The following FILIP1L variants were observed in gnomAD, a reference collection of about 807,000 sequenced individuals.
FILIP1L encodes filamin A-interacting protein 1-like.
In FILIP1L, 55 loss-of-function variants were observed where a neutral mutation model predicts 96.6. The ratio of observed to expected loss-of-function variants is 0.57; its 90% CI spans 0.46 to 0.71. FILIP1L has a LOEUF of 0.71. Ranked by LOEUF, FILIP1L falls within the 30% of genes least tolerant of loss-of-function variation. FILIP1L has a pLI of 0.00. For missense variants in FILIP1L, 1,304 were observed against 1,321.2 expected (o/e 0.99, Z 0.20); for synonymous variants, 467 against 473.9 (o/e 0.99, Z 0.19).
chr3:99,901,426 C>G (rs904571993), intron 4 of FILIP1L, among the ~76,000 whole-genome samples: 1 of 152,142 alleles, frequency 6.6e-6, no homozygotes, highest in Non-Finnish European at 1.5e-5. Flanking sequence ...AAACAATGCA[C>G]TTTTGTAATT....
At chr3:100,031,877 G>T (rs1342459342) in intron 1 of FILIP1L, among the ~76,000 whole-genome samples, 2 of 152,144 alleles carry the variant, frequency 1.3e-5, no homozygotes, top group Non-Finnish European at 2.9e-5. Flanking sequence ...TACTAAACTA[G>T]GTCAAAATCA....
intron 1 of FILIP1L, among the ~76,000 whole-genome samples, chr3:100,028,397 A>G (rs1377012581): frequency 6.6e-6 from 1 of 152,178 alleles, no homozygotes; most frequent in Non-Finnish European, 1.5e-5. Context: ...GGTTATTGCT[A>G]TATTCCAGGC....
intron 1 of FILIP1L, among the ~76,000 whole-genome samples, chr3:99,971,024 G>T (rs1708798319): frequency 6.6e-6 from 1 of 152,154 alleles, no homozygotes; most frequent in Non-Finnish European, 1.5e-5. Flanking sequence ...GCAAGGATTG[G>T]CAGGTTTTGG....
At chr3:100,079,816 TA>T (rs551720958) in intron 1 of FILIP1L, among the ~76,000 whole-genome samples, 72 of 147,150 alleles carry the variant, frequency 4.9e-4, no homozygotes, top group South Asian at 1.1e-3. Flanking sequence ...CATGATAACC[TA>T]AAAAAAAAAA....
At chr3:99,871,979 C>T (rs1944810737) in intron 4 of FILIP1L, among the ~76,000 whole-genome samples, 1 of 151,874 alleles carries the variant, frequency 6.6e-6, no homozygotes, top group Non-Finnish European at 1.5e-5. Flanking sequence ...GAACTTTGAA[C>T]CTTTCTACTT....
rs116751488 is a variant in FILIP1L at position 100,036,877 on chromosome 3, C to G, written c.-11+77176G>C. On this transcript the variant is annotated intron_variant, in intron 1 of 5. Coordinates refer to ENST00000477258, the MANE Select transcript of FILIP1L (RefSeq NM_001387850.1). ...TTGATATTACGCAGTGAGAAAGATA[C>G]GTTATTTCTGTGGTATTCCTGCCCC... Among the ~76,000 whole-genome samples the G allele has an allele frequency of 8.7e-3, 1,317 of 152,160 alleles. 9 individuals are homozygous for G. The highest frequency in any genetic ancestry group is 0.02 in the Middle Eastern group (6 of 294).
chr3:100,106,192 A>G (rs2066392519), intron 1 of FILIP1L, among the ~76,000 whole-genome samples: 1 of 152,158 alleles, frequency 6.6e-6, no homozygotes, highest in African/African-American at 2.4e-5. Context: ...TATCAAAAGG[A>G]TGCAGCAACA....
intron 1 of FILIP1L, among the ~76,000 whole-genome samples, chr3:99,945,585 G>A (rs1707985091): frequency 6.6e-6 from 1 of 152,156 alleles, no homozygotes; most frequent in South Asian, 2.1e-4. Flanking sequence ...ATGTTGCTTT[G>A]GATGTTTTAG....
At chr3:99,987,721 T>G (rs1709387301) in intron 1 of FILIP1L, among the ~76,000 whole-genome samples, 1 of 152,190 alleles carries the variant, frequency 6.6e-6, no homozygotes, top group African/African-American at 2.4e-5. Flanking sequence ...CCTCAGTTAT[T>G]TTCTTCACAG....
chr3:100,090,121 A>T (rs756943450), intron 1 of FILIP1L, among the ~76,000 whole-genome samples: 1 of 152,218 alleles, frequency 6.6e-6, no homozygotes. Flanking sequence ...AGCTCCTTCC[A>T]TGGAGGGCTT....
chr3:99,879,202 T>C (rs1338960806), intron 4 of FILIP1L, among the ~76,000 whole-genome samples: 1 of 152,220 alleles, frequency 6.6e-6, no homozygotes, highest in African/African-American at 2.4e-5. Flanking sequence ...GAAATTTTTC[T>C]ACCAAGTTCA....
Position 99,930,997 on chromosome 3 carries a change from G to C in FILIP1L, c.24C>G (p.Thr8=), listed in dbSNP as rs375109760. 7.4e-6 allele frequency: 12 copies of C among 1,613,442 alleles called. No individual in the cohort carries two copies. The highest frequency in any genetic ancestry group is 1.0e-5 in the Non-Finnish European group (12 of 1,179,874). The change falls in exon 2 of 6, where the codon ACC becomes ACG. Residue 8 remains threonine (T), a synonymous_variant. Transcript: ENST00000477258. ...GAAATTTCTTTTGGGCTGAGCCCTC[G>C]GTATCACTGCCTCTGGAACGCATTC... MRSRGSD[T]EGSAQKKFPR...
At chr3:99,940,018 C>G (rs944156249) in intron 1 of FILIP1L, among the ~76,000 whole-genome samples, 2 of 152,204 alleles carry the variant, frequency 1.3e-5, no homozygotes, top group Non-Finnish European at 2.9e-5. Flanking sequence ...TAAACAACCA[C>G]TGATGAGGTC....
intron 1 of FILIP1L, among the ~76,000 whole-genome samples, chr3:100,093,428 C>G (rs929998197): frequency 1.3e-5 from 2 of 151,966 alleles, no homozygotes; most frequent in African/African-American, 2.4e-5. Context: ...CATTATTTTT[C>G]TTACAAAAAA....
At chr3:99,972,147 A>G (rs1226044023) in intron 1 of FILIP1L, among the ~76,000 whole-genome samples, 2 of 152,216 alleles carry the variant, frequency 1.3e-5, no homozygotes, top group Non-Finnish European at 2.9e-5. Flanking sequence ...ATAGACTGAT[A>G]TGCAAAGTGT....
At position 99,849,352 on chromosome 3, in the gene FILIP1L, C is replaced by A. The variant is rs746318060; in HGVS notation, c.2324G>T (p.Arg775Leu). 9.3e-6 allele frequency: 15 copies of A among 1,614,070 alleles called. No individual in the cohort carries two copies. Among genetic ancestry groups the A allele is most frequent in the Non-Finnish European group, 1.3e-5 (15 of 1,180,004 alleles). The change falls in exon 5 of 6, where the codon CGG (arginine) becomes CTG (leucine). Residue 775 changes from arginine (R) to leucine (L), a missense_variant. Transcript: ENST00000477258. ...AGGCCTGAGGCTCTTACTGAAATGC[C>A]GGTACCTCTCTAACTCCTTAGTGAG... ...ENLTKELERY[R>L]HFSKSLRPSL... is the part of the protein sequence containing the mutation.
rs776132796 is a variant in FILIP1L, at chr3:99,848,676, G to A, written c.3000C>T (p.Ser1000=). The change falls in exon 5 of 6, where the codon TCC becomes TCT. Residue 1000 remains serine (S), a synonymous_variant. Coordinates refer to ENST00000477258, the MANE Select transcript of FILIP1L (RefSeq NM_001387850.1). ...CGSLTPERTM[S]PIQVLAVTGS... is the part of the protein sequence containing the mutation. ...CAGTCACAGCCAAAACCTGAATAGG[G>A]GACATTGTCCTTTCTGGAGTTAGAG... 4 of 1,614,132 alleles carry A rather than the reference G, an allele frequency of 2.5e-6. No individual in the cohort carries two copies. The South Asian group carries it at 4.4e-5, about 18-fold the overall frequency.
intron 1 of FILIP1L, among the ~76,000 whole-genome samples, chr3:99,986,608 G>T (rs1028316405): frequency 2.0e-5 from 3 of 152,068 alleles, no homozygotes; most frequent in Non-Finnish European, 4.4e-5. Flanking sequence ...ATTACCAACT[G>T]CACATGGAGA....
At chr3:100,077,885 G>A (rs1248214172) in intron 1 of FILIP1L, among the ~76,000 whole-genome samples, 1 of 152,064 alleles carries the variant, frequency 6.6e-6, no homozygotes, top group Non-Finnish European at 1.5e-5. Context: ...TCCAACCTGG[G>A]TGACAGAATA....
Sources: allele counts gnomAD v4.1 joint callset (sites outside exome capture counted in the v4.1 genomes callset), GRCh38; gene constraint gnomAD v4.1.1; transcripts MANE v1.5; gene names NCBI Gene and HGNC (gene_info 2026-07-23, HGNC 2026-07-21).